Variants in TENM3 observed in about 807,000 individuals in gnomAD.
TENM3 encodes the protein teneurin transmembrane protein 3, also known as teneurin-3.
A neutral mutation model predicts 255.1 loss-of-function variants in TENM3; 63 were observed. The ratio of observed to expected loss-of-function variants is 0.25; its 90% CI spans 0.20 to 0.30. The LOEUF is 0.30. Ranked by LOEUF, TENM3 falls within the 10% of genes least tolerant of loss-of-function variation. TENM3 has a pLI of 1.00. For missense variants in TENM3, 2,929 were observed against 3,461.1 expected, an observed-to-expected ratio of 0.85 and a Z score of 3.86; for synonymous variants, 1,306 against 1,322.3, an observed-to-expected ratio of 0.99 and a Z score of 0.27.
At chr4:182,362,157 GGGGGTCA>G (rs1170381526) in intron 3 of TENM3, among the ~76,000 whole-genome samples, 1 of 152,166 alleles carries the variant, frequency 6.6e-6, no homozygotes, top group Non-Finnish European at 1.5e-5. Flanking sequence ...TAGGCTGCTC[GGGGGTCA>G]GGGGTCAGGG....
intron 19 of TENM3, among the ~76,000 whole-genome samples, chr4:182,751,396 T>G (rs781760924): frequency 2.0e-5 from 3 of 152,210 alleles, no homozygotes; most frequent in Non-Finnish European, 4.4e-5. Flanking sequence ...CACTGGAGAA[T>G]TTGATGGAGA....
At chr4:182,670,070 A>G (rs568623554) in intron 6 of TENM3, among the ~76,000 whole-genome samples, 1 of 152,366 alleles carries the variant, frequency 6.6e-6, no homozygotes, top group East Asian at 1.9e-4. Context: ...TTCTGAGTAA[A>G]GCAAGACGTC....
At chr4:182,174,196 A>G (rs1752296495) in intron 1 of TENM3, among the ~76,000 whole-genome samples, 1 of 152,114 alleles carries the variant, frequency 6.6e-6, no homozygotes, top group Admixed American at 6.5e-5. Context: ...TTAACTAAAT[A>G]CATTTGGATA....
intron 1 of TENM3, among the ~76,000 whole-genome samples, chr4:182,220,511 C>G (rs1755789459): frequency 6.6e-6 from 1 of 151,930 alleles, no homozygotes; most frequent in African/African-American, 2.4e-5. Flanking sequence ...CCTACAGTCT[C>G]TTCTGGCATC....
chr4:182,124,379 GA>G, the TENM3 span, among the ~76,000 whole-genome samples: 1 of 152,280 alleles, frequency 6.6e-6, no homozygotes, highest in South Asian at 2.1e-4. Context: ...CAATCTAGTG[GA>G]AATGTCGAGT....
chr4:181,554,268 C>T, the TENM3 span, among the ~76,000 whole-genome samples: 1 of 152,138 alleles, frequency 6.6e-6, no homozygotes, highest in Non-Finnish European at 1.5e-5. Flanking sequence ...TGAAAAGCTG[C>T]GGGCGGTGTC....
chr4:182,080,502 A>C, the TENM3 span, among the ~76,000 whole-genome samples: 1 of 152,162 alleles, frequency 6.6e-6, no homozygotes, highest in South Asian at 2.1e-4. Flanking sequence ...AAAAATTTTT[A>C]TTTTCTATGT....
At chr4:182,275,231 A>T (rs1759922334) in intron 1 of TENM3, among the ~76,000 whole-genome samples, 1 of 152,156 alleles carries the variant, frequency 6.6e-6, no homozygotes, top group African/African-American at 2.4e-5. Flanking sequence ...ACCAGGTGTG[A>T]TGGCCATTTT....
chr4:181,881,934 G>T, the TENM3 span, among the ~76,000 whole-genome samples: 1 of 152,112 alleles, frequency 6.6e-6, no homozygotes, highest in African/African-American at 2.4e-5. Context: ...ATTATTTTCT[G>T]CATTATTCCT....
chr4:182,769,311 C>A (rs1420621260), intron 22 of TENM3, among the ~76,000 whole-genome samples: 1 of 152,090 alleles, frequency 6.6e-6, no homozygotes, highest in East Asian at 1.9e-4. Flanking sequence ...CATTTTCTTT[C>A]ACTCCCTTAG....
intron 3 of TENM3, among the ~76,000 whole-genome samples, chr4:182,492,589 A>G (rs1029086564): frequency 3.9e-5 from 6 of 152,134 alleles, no homozygotes; most frequent in Admixed American, 1.3e-4. Context: ...AGCCACTGAA[A>G]GCCTGAAACC....
rs1189209370 is a variant in TENM3, at chr4:182,729,191, T to G, written c.2585+10T>G. The G allele has an allele frequency of 4.4e-6, 7 of 1,596,068 alleles. No individual in the cohort carries two copies. The highest frequency in any genetic ancestry group is 2.7e-5 in the African/African-American group (2 of 74,468). On this transcript the variant is annotated intron_variant, in intron 14 of 27. Transcript: ENST00000511685. The stretch of plus-strand genomic sequence containing the variant: ...GTCCTTTCAATAAGAGGTTAATGCT[T>G]CTTTTCCATATGTAGATTTGTAATG...
the TENM3 span, among the ~76,000 whole-genome samples, chr4:181,780,932 A>G: frequency 6.6e-6 from 1 of 152,088 alleles, no homozygotes; most frequent in Non-Finnish European, 1.5e-5. Flanking sequence ...AGATGGTCAT[A>G]GGTGTGTGGT....
At chr4:181,857,561 A>AC in the TENM3 span, among the ~76,000 whole-genome samples, 65,419 of 117,530 alleles carry the variant, frequency 0.56, 17,296 homozygotes, top group South Asian at 0.63. Flanking sequence ...CAAAAAAAAA[A>AC]AAAAAAAAAA....
In TENM3 at chr4:182,796,622, A is replaced by G. The variant is rs1265552639; in HGVS notation, c.7214-15A>G. ...CAAACTCCAACACCTTTCATTCTGA[A>G]CATTCTTCTCCTAGATGTTAACAGC... On this transcript the variant is annotated splice_polypyrimidine_tract_variant and intron_variant, in intron 26 of 27. Coordinates refer to ENST00000511685, the MANE Select transcript of TENM3 (RefSeq NM_001080477.4). 3.8e-6 allele frequency: 6 copies of G among 1,591,692 alleles called. No individual in the cohort carries two copies. The highest frequency in any genetic ancestry group is 5.1e-6 in the Non-Finnish European group (6 of 1,169,740).
chr4:182,486,503 A>G (rs1561497899), intron 3 of TENM3, among the ~76,000 whole-genome samples: 2 of 152,194 alleles, frequency 1.3e-5, no homozygotes, highest in African/African-American at 2.4e-5. Context: ...CACTGACACA[A>G]CTAGTTACCT....
At chr4:182,347,664 A>C (rs1211201440) in intron 3 of TENM3, among the ~76,000 whole-genome samples, 1 of 152,118 alleles carries the variant, frequency 6.6e-6, no homozygotes, top group Admixed American at 6.6e-5. Context: ...ATGCGGGATG[A>C]TTTTTTAAAA....
chr4:181,701,987 C>A, the TENM3 span, among the ~76,000 whole-genome samples: 2 of 152,142 alleles, frequency 1.3e-5, no homozygotes, highest in Admixed American at 1.3e-4. Context: ...ATCTGTTGAC[C>A]AGAAGCAGCC....
intron 1 of TENM3, among the ~76,000 whole-genome samples, chr4:182,251,405 T>A (rs537650667): frequency 6.6e-5 from 10 of 152,218 alleles, no homozygotes; most frequent in African/African-American, 2.4e-4. Context: ...GTGGTCCAGG[T>A]TGCGGTGAGC....
Sources: allele counts gnomAD v4.1 joint callset (sites outside exome capture counted in the v4.1 genomes callset), GRCh38; gene constraint gnomAD v4.1.1; transcripts MANE v1.5; gene names NCBI Gene and HGNC (gene_info 2026-07-23, HGNC 2026-07-21).